AKAP6: variants seen among roughly 807,000 people sequenced by gnomAD.
The protein encoded by AKAP6 is A-kinase anchor protein 6.
In AKAP6, 58 loss-of-function variants were observed where a neutral mutation model predicts 188.5. The ratio of observed to expected loss-of-function variants is 0.31; its 90% CI spans 0.25 to 0.38. The LOEUF (loss-of-function observed/expected upper bound fraction) is 0.38, where lower values mean the gene tolerates loss of function less well. Among genes scored for constraint, AKAP6 ranks in the 10% least tolerant of loss-of-function variants. The pLI, the probability that AKAP6 is intolerant of heterozygous loss-of-function variation, is 1.00. For synonymous variants in AKAP6, 989 were observed against 998.6 expected, an observed-to-expected ratio of 0.99 and a Z score of 0.18; for missense variants, 2,710 against 2,740.0, an observed-to-expected ratio of 0.99 and a Z score of 0.24.
intron 3 of AKAP6, among the ~76,000 whole-genome samples, chr14:32,544,265 T>A (rs1161559663): frequency 6.6e-6 from 1 of 152,190 alleles, no homozygotes; most frequent in Non-Finnish European, 1.5e-5. Flanking sequence ...GGGGCTAGGT[T>A]AGATCAGTCT....
At chr14:32,452,316 G>A (rs933691149) in intron 2 of AKAP6, among the ~76,000 whole-genome samples, 1 of 152,070 alleles carries the variant, frequency 6.6e-6, no homozygotes, top group African/African-American at 2.4e-5. Context: ...TTACAGGTGT[G>A]GGCCACCATG....
chr14:32,415,746 A>T (rs1957002), intron 1 of AKAP6, among the ~76,000 whole-genome samples: 103,755 of 152,044 alleles, frequency 0.68, 37,664 homozygotes, highest in Non-Finnish European at 0.82. Flanking sequence ...TCTATGATTT[A>T]GACTACTCTA....
rs1399455549 is a variant in AKAP6 at position 32,836,978 on chromosome 14, G to C, written c.*7173G>C. On this transcript the variant is annotated 3_prime_UTR_variant, in exon 14 of 14. Coordinates refer to ENST00000280979, the MANE Select transcript of AKAP6 (RefSeq NM_004274.5). ...AGCCAGTCCTGATGACTTGGTCGAG[G>C]TAACTTGCTTTGCCCACTGTTAACT... 1 of 152,198 alleles carries C rather than the reference G, an allele frequency of 6.6e-6. No individual in the cohort carries two copies. Among genetic ancestry groups the C allele is most frequent in the Non-Finnish European group, 1.5e-5 (1 of 68,046 alleles). The allele number at this position is 152,198 out of a possible 1,614,324, so 9.4% of individuals were successfully genotyped here. A position where few individuals can be genotyped will look rare whatever the true frequency, so the allele number is the denominator to read the frequency against.
At chr14:32,768,360 T>C (rs2032782269) in intron 11 of AKAP6, among the ~76,000 whole-genome samples, 1 of 152,180 alleles carries the variant, frequency 6.6e-6, no homozygotes, top group Non-Finnish European at 1.5e-5. Flanking sequence ...CTTAGCAAAA[T>C]GCCATATGTA....
chr14:32,817,872 A>G (rs971850641), intron 12 of AKAP6, among the ~76,000 whole-genome samples: 1 of 152,162 alleles, frequency 6.6e-6, no homozygotes, highest in Admixed American at 6.5e-5. Context: ...CAACCAAATA[A>G]TTTTCCTATC....
At chr14:32,786,593 G>C (rs1014131186) in intron 12 of AKAP6, among the ~76,000 whole-genome samples, 1 of 151,758 alleles carries the variant, frequency 6.6e-6, no homozygotes, top group African/African-American at 2.4e-5. Context: ...CAAAGTGCTG[G>C]GATTACAGGC....
intron 12 of AKAP6, among the ~76,000 whole-genome samples, chr14:32,812,263 G>T (rs1473702954): frequency 6.6e-6 from 1 of 152,004 alleles, no homozygotes; most frequent in African/African-American, 2.4e-5. Flanking sequence ...CATTGCAGTT[G>T]GGATTTTTAC....
At chr14:32,759,876 A>G (rs1489032565) in intron 11 of AKAP6, among the ~76,000 whole-genome samples, 1 of 152,176 alleles carries the variant, frequency 6.6e-6, no homozygotes, top group Non-Finnish European at 1.5e-5. Flanking sequence ...AGCATAGGGG[A>G]TTACACTTCA....
intron 7 of AKAP6, among the ~76,000 whole-genome samples, chr14:32,662,710 T>C (rs1888755800): frequency 6.6e-6 from 1 of 152,156 alleles, no homozygotes; most frequent in Non-Finnish European, 1.5e-5. Context: ...AGATTTTCTT[T>C]ATAATTAGCA....
intron 1 of AKAP6, among the ~76,000 whole-genome samples, chr14:32,368,333 G>A (rs1000529402): frequency 6.6e-6 from 1 of 152,194 alleles, no homozygotes; most frequent in Non-Finnish European, 1.5e-5. Context: ...TCAGGTGGTA[G>A]ACATTGTACT....
chr14:32,656,430 C>T (rs140678581), intron 7 of AKAP6, among the ~76,000 whole-genome samples: 1 of 152,108 alleles, frequency 6.6e-6, no homozygotes, highest in Non-Finnish European at 1.5e-5. Flanking sequence ...GGTTTCTCTC[C>T]TTCTTAGCAG....
In AKAP6 at chr14:32,621,345, G is replaced by A. The variant is rs1886809801; in HGVS notation, c.2730+20553G>A. 2.0e-5 allele frequency among the ~76,000 whole-genome samples: 3 copies of A among 151,946 alleles called. No individual in the cohort carries two copies. The South Asian group carries it at 6.2e-4, about 31-fold the overall frequency. ...GAGCTTTCCTCTTACCATTGCTTTT[G>A]CTGTATCCCAGAGGTTTTTATAATT... On this transcript the variant is annotated intron_variant, in intron 7 of 13. Coordinates refer to ENST00000280979, the MANE Select transcript of AKAP6 (RefSeq NM_004274.5).
At chr14:32,456,310 A>G (rs764631635) in intron 2 of AKAP6, among the ~76,000 whole-genome samples, 10 of 152,174 alleles carry the variant, frequency 6.6e-5, no homozygotes, top group Non-Finnish European at 1.3e-4. Context: ...TTAATTTGTC[A>G]AATCTTTCAA....
chr14:32,646,185 G>A (rs1176906148), intron 7 of AKAP6, among the ~76,000 whole-genome samples: 1 of 151,936 alleles, frequency 6.6e-6, no homozygotes, highest in Non-Finnish European at 1.5e-5. Flanking sequence ...GGAGCTATAA[G>A]ACATTATAAA....
intron 7 of AKAP6, among the ~76,000 whole-genome samples, chr14:32,641,482 A>G (rs932471826): frequency 6.6e-6 from 1 of 151,436 alleles, no homozygotes; most frequent in Admixed American, 6.6e-5. Flanking sequence ...AAAAAAAAAA[A>G]AAAAAAGAAA....
At chr14:32,447,602 C>G (rs1329659759) in intron 2 of AKAP6, among the ~76,000 whole-genome samples, 2 of 152,160 alleles carry the variant, frequency 1.3e-5, no homozygotes, top group Non-Finnish European at 2.9e-5. Context: ...TAAGTTTCTT[C>G]AAAGATAGCA....
chr14:32,404,691 G>GATAGATAGATATATATATATATAT lies in AKAP6; in HGVS notation c.-34-28766_-34-28765insGATAGATATATATATATATATATA. 1.8e-3 allele frequency among the ~76,000 whole-genome samples: 81 copies of GATAGATAGATATATATATATATAT among 44,426 alleles called. 2 individuals are homozygous for GATAGATAGATATATATATATATAT. The highest frequency in any genetic ancestry group is 3.5e-3 in the Admixed American group (12 of 3,396). The allele number at this position is 44,426 out of a possible 152,430, so 29.1% of individuals were successfully genotyped here. A position where few individuals can be genotyped will look rare whatever the true frequency, so the allele number is the denominator to read the frequency against. On this transcript the variant is annotated intron_variant, in intron 1 of 13. Transcript: ENST00000280979. ...AGAGTGGGGTTATGAGGAGTCAGGA[G>GATAGATAGATATATATATATATAT]ATATATATATATATATATATTAGTC...
rs561174789 is a variant in AKAP6, at chr14:32,468,108, A to G, written c.324+34291A>G. ...CTAAACCAGCAAAGGGAGCTGTCAC[A>G]AGGCAGCCCTAGGATAGGAGCCCAG... On this transcript the variant is annotated intron_variant, in intron 2 of 13. Coordinates refer to ENST00000280979, the MANE Select transcript of AKAP6 (RefSeq NM_004274.5). Among the ~76,000 whole-genome samples the G allele has an allele frequency of 5.4e-4, 82 of 152,240 alleles. 1 individual carries two copies. In the Middle Eastern group the frequency reaches 0.01, roughly 19 times the overall value.
chr14:32,661,515 C>T (rs6571548), intron 7 of AKAP6, among the ~76,000 whole-genome samples: 100,044 of 151,996 alleles, frequency 0.66, 33,973 homozygotes, highest in East Asian at 0.94. Context: ...CAGAGAGTTT[C>T]GATTAAGTCC....
Sources: allele counts gnomAD v4.1 joint callset (sites outside exome capture counted in the v4.1 genomes callset), GRCh38; gene constraint gnomAD v4.1.1; transcripts MANE v1.5; gene names NCBI Gene and HGNC (gene_info 2026-07-23, HGNC 2026-07-21).